SUPT3H: variants seen among roughly 807,000 people sequenced by gnomAD.
SUPT3H encodes SPT3 homolog, SAGA and STAGA complex component.
In SUPT3H, 44 loss-of-function variants were observed where a neutral mutation model predicts 44.3. That is an observed-to-expected ratio of 0.99 (90% CI 0.78 to 1.28). The LOEUF is 1.28. SUPT3H is among the 50% of genes most tolerant of loss of function. The probability of loss-of-function intolerance (pLI) is 0.00; values close to 1 mark genes in which losing one functional copy is unlikely to be tolerated. For synonymous variants in SUPT3H, 124 were observed against 125.6 expected (o/e 0.99, Z 0.09); for missense variants, 380 against 387.1 (o/e 0.98, Z 0.15).
At chr6:45,290,441 C>G (rs1233757416) in intron 2 of SUPT3H, among the ~76,000 whole-genome samples, 2 of 113,610 alleles carry the variant, frequency 1.8e-5, no homozygotes, top group East Asian at 5.6e-4. Context: ...GGAAAAAGAT[C>G]AGGGCATGGA....
chr6:44,833,927 G>A (rs1359728818), intron 10 of SUPT3H, among the ~76,000 whole-genome samples: 1 of 152,148 alleles, frequency 6.6e-6, no homozygotes, highest in Admixed American at 6.6e-5. Context: ...ATACTTCCGA[G>A]TACAGACAAT....
chr6:45,251,276 C>T (rs779346255), intron 2 of SUPT3H: 1 of 152,102 alleles, frequency 6.6e-6, no homozygotes, highest in African/African-American at 2.4e-5. Flanking sequence ...TCATTATTCT[C>T]GGCTTTAGAA....
At chr6:45,243,731 A>AT (rs779198404) in intron 2 of SUPT3H, among the ~76,000 whole-genome samples, 5 of 152,216 alleles carry the variant, frequency 3.3e-5, no homozygotes, top group Non-Finnish European at 5.9e-5. Flanking sequence ...TGTATTAAAG[A>AT]TACTAAACTA....
intron 2 of SUPT3H, among the ~76,000 whole-genome samples, chr6:45,266,715 C>T (rs891863241): frequency 6.6e-6 from 1 of 151,998 alleles, no homozygotes; most frequent in Non-Finnish European, 1.5e-5. Flanking sequence ...ACACTATATT[C>T]AGTCATATAT....
chr6:45,334,644 T>A (rs781343377), intron 2 of SUPT3H, among the ~76,000 whole-genome samples: 1 of 151,120 alleles, frequency 6.6e-6, no homozygotes, highest in Non-Finnish European at 1.5e-5. Context: ...ATGTTCAACT[T>A]AAATTTCTTC....
At chr6:45,347,164 A>G (rs955974830) in intron 2 of SUPT3H, among the ~76,000 whole-genome samples, 2 of 152,214 alleles carry the variant, frequency 1.3e-5, no homozygotes, top group Non-Finnish European at 2.9e-5. Context: ...TCATATTAAG[A>G]TAAGTGAAAT....
intron 2 of SUPT3H, among the ~76,000 whole-genome samples, chr6:45,253,797 T>C (rs554364067): frequency 7.2e-6 from 1 of 138,954 alleles, no homozygotes; most frequent in East Asian, 2.2e-4. Flanking sequence ...CTAAAATAAA[T>C]AAATAAAATG....
chr6:45,086,056 C>G (rs2153560509), intron 3 of SUPT3H, among the ~76,000 whole-genome samples: 1 of 152,114 alleles, frequency 6.6e-6, no homozygotes, highest in Admixed American at 6.5e-5. Flanking sequence ...GGAGTTCTAT[C>G]AGAAATTACT....
chr6:44,959,679 A>G (rs1775724058), intron 7 of SUPT3H, among the ~76,000 whole-genome samples: 1 of 152,170 alleles, frequency 6.6e-6, no homozygotes, highest in Non-Finnish European at 1.5e-5. Context: ...ACATATGAAA[A>G]CAAAAGACTG....
intron 2 of SUPT3H, among the ~76,000 whole-genome samples, chr6:45,175,427 C>G (rs1223880566): frequency 6.6e-6 from 1 of 152,108 alleles, no homozygotes; most frequent in Non-Finnish European, 1.5e-5. Flanking sequence ...AGGGGGATCA[C>G]GAGAACAGCA....
chr6:45,017,373 GC>G (rs1271576891), intron 4 of SUPT3H, among the ~76,000 whole-genome samples: 2 of 150,672 alleles, frequency 1.3e-5, no homozygotes, highest in Non-Finnish European at 3.0e-5. Context: ...CTCAATTTTG[GC>G]TTTTGTTGCC....
chr6:44,993,902 T>C (rs551508724), intron 6 of SUPT3H, among the ~76,000 whole-genome samples: 1 of 152,246 alleles, frequency 6.6e-6, no homozygotes, highest in Admixed American at 6.5e-5. Context: ...CTAGCCCTTT[T>C]CAAGTTTATT....
intron 4 of SUPT3H, among the ~76,000 whole-genome samples, chr6:45,019,584 TTGACCTTCAGGTTCAAGA>T (rs1335145568): frequency 1.3e-5 from 2 of 152,076 alleles, no homozygotes; most frequent in Non-Finnish European, 2.9e-5. Context: ...TCACTCGTTC[TTGACCTTCAGGTTCAAGA>T]TTTCTATTAA....
intron 2 of SUPT3H, among the ~76,000 whole-genome samples, chr6:45,207,625 C>T (rs1258134676): frequency 6.6e-6 from 1 of 152,090 alleles, no homozygotes; most frequent in African/African-American, 2.4e-5. Flanking sequence ...ATCTCTGTGT[C>T]ATGTTTTGAT....
intron 10 of SUPT3H, among the ~76,000 whole-genome samples, chr6:44,889,293 G>A (rs1214579371): frequency 1.3e-5 from 2 of 152,038 alleles, no homozygotes; most frequent in Non-Finnish European, 2.9e-5. Context: ...AACCAAAACA[G>A]AGCCCGCATC....
chr6:44,930,437 C>A (rs904008012), intron 10 of SUPT3H, among the ~76,000 whole-genome samples: 1 of 151,548 alleles, frequency 6.6e-6, no homozygotes, highest in African/African-American at 2.4e-5. Context: ...GTGGCAGGTG[C>A]CTGTAATCAC....
At chr6:44,943,405 C>T (rs1347694706) in intron 9 of SUPT3H, among the ~76,000 whole-genome samples, 1 of 151,990 alleles carries the variant, frequency 6.6e-6, no homozygotes, top group Non-Finnish European at 1.5e-5. Flanking sequence ...GTAACTAATA[C>T]AATGTACTTG....
At chr6:44,870,753 G>A (rs939830906) in intron 10 of SUPT3H, among the ~76,000 whole-genome samples, 4 of 151,168 alleles carry the variant, frequency 2.6e-5, no homozygotes, top group Admixed American at 6.6e-5. Flanking sequence ...CATCTCACTA[G>A]GGAGTGCCAG....
At chr6:44,839,704 T>A (rs1361786256) in intron 10 of SUPT3H, among the ~76,000 whole-genome samples, 1 of 151,564 alleles carries the variant, frequency 6.6e-6, no homozygotes, top group African/African-American at 2.4e-5. Flanking sequence ...CAGCACCAGT[T>A]TTTTTTTTCT....
Sources: allele counts gnomAD v4.1 joint callset (sites outside exome capture counted in the v4.1 genomes callset), GRCh38; gene constraint gnomAD v4.1.1; transcripts MANE v1.5; gene names NCBI Gene and HGNC (gene_info 2026-07-23, HGNC 2026-07-21).